The following GPHN variants were observed in gnomAD, a reference collection of about 807,000 sequenced individuals.
The protein encoded by GPHN is gephyrin.
Under a neutral mutation model 95.5 loss-of-function variants are expected in GPHN, and 17 were observed. The ratio of observed to expected loss-of-function variants is 0.18; its 90% CI spans 0.12 to 0.27. The LOEUF (loss-of-function observed/expected upper bound fraction) is 0.27. Ranked by LOEUF, GPHN falls within the 10% of genes least tolerant of loss-of-function variation. The pLI, the probability that GPHN is intolerant of heterozygous loss-of-function variation, is 1.00. For missense variants in GPHN, 660 were observed against 978.1 expected (o/e 0.67, Z 4.34); for synonymous variants, 320 against 322.5 (o/e 0.99, Z 0.08).
At chr14:67,327,683 C>T in the GPHN span, among the ~76,000 whole-genome samples, 1 of 152,018 alleles carries the variant, frequency 6.6e-6, no homozygotes, top group Non-Finnish European at 1.5e-5. Flanking sequence ...TGTTCCCCAC[C>T]CTGTGTCCTG....
chr14:66,528,012 G>A (rs1475799111), intron 1 of GPHN, among the ~76,000 whole-genome samples: 1 of 152,126 alleles, frequency 6.6e-6, no homozygotes, highest in Non-Finnish European at 1.5e-5. Flanking sequence ...TTCAAGTCCT[G>A]AATAACCTTG....
chr14:67,400,323 T>TTGCA, the GPHN span, among the ~76,000 whole-genome samples: 1 of 152,230 alleles, frequency 6.6e-6, no homozygotes, highest in African/African-American at 2.4e-5. Flanking sequence ...TCCAGTGGAA[T>TTGCA]TGCACATTTT....
the GPHN span, among the ~76,000 whole-genome samples, chr14:67,260,163 C>T: frequency 6.6e-6 from 1 of 152,212 alleles, no homozygotes; most frequent in Non-Finnish European, 1.5e-5. Context: ...AGCGCCAGCT[C>T]TCCATCTTCC....
chr14:67,666,179 G>A, the GPHN span, among the ~76,000 whole-genome samples: 4 of 152,278 alleles, frequency 2.6e-5, no homozygotes, highest in East Asian at 7.7e-4. Context: ...TCCCTTCCTA[G>A]CTCCTTCCTT....
the GPHN span, among the ~76,000 whole-genome samples, chr14:67,617,710 GT>G: frequency 6.6e-6 from 1 of 152,062 alleles, no homozygotes; most frequent in Non-Finnish European, 1.5e-5. Flanking sequence ...GAAGCAAGAG[GT>G]TTTTTGTTGT....
intron 4 of GPHN, among the ~76,000 whole-genome samples, chr14:66,827,582 G>A (rs886474137): frequency 7.3e-5 from 11 of 150,360 alleles, no homozygotes; most frequent in African/African-American, 2.7e-4. Context: ...ATTTATAAGA[G>A]TTAATTTTTT....
intron 1 of GPHN, among the ~76,000 whole-genome samples, chr14:66,545,700 T>A (rs1325637930): frequency 9.2e-6 from 1 of 108,534 alleles, no homozygotes. Context: ...GAGGCGCCCC[T>A]CACCTCCCGG....
chr14:67,335,429 TA>T, the GPHN span: 3 of 152,362 alleles, frequency 2.0e-5, no homozygotes, highest in African/African-American at 7.2e-5. Flanking sequence ...TATCAATAAC[TA>T]ATGCTATGTA....
the GPHN span, chr14:67,646,748 T>C: frequency 6.2e-7 from 1 of 1,601,248 alleles, no homozygotes; most frequent in East Asian, 2.2e-5. Flanking sequence ...AGTAAGTTGA[T>C]GCATTTGGCT....
At chr14:67,130,959 G>A (rs2079663575) in intron 17 of GPHN, among the ~76,000 whole-genome samples, 1 of 151,966 alleles carries the variant, frequency 6.6e-6, no homozygotes, top group Non-Finnish European at 1.5e-5. Context: ...ATTTTCTAAG[G>A]GATCTACCTT....
At chr14:67,713,016 C>T in the GPHN span, among the ~76,000 whole-genome samples, 1 of 151,754 alleles carries the variant, frequency 6.6e-6, no homozygotes, top group Non-Finnish European at 1.5e-5. Context: ...TGGATTTGAT[C>T]AAGTTGGATA....
intron 9 of GPHN, among the ~76,000 whole-genome samples, chr14:66,968,196 G>T (rs895143885): frequency 1.1e-4 from 17 of 151,554 alleles, no homozygotes; most frequent in Non-Finnish European, 7.4e-5. Context: ...AAGCAATTTC[G>T]GGGTTTCAAA....
intron 13 of GPHN, among the ~76,000 whole-genome samples, chr14:67,108,269 C>G (rs1374611917): frequency 6.6e-6 from 1 of 152,192 alleles, no homozygotes. Flanking sequence ...CATCACCAAA[C>G]TGCAGCCCAG....
At chr14:66,761,114 T>C in intron 2 of GPHN, 1 of 364,882 alleles carries the variant, frequency 2.7e-6, no homozygotes, top group South Asian at 2.3e-5. Context: ...ATAGGTCACT[T>C]AAATGAAAAG....
At chr14:67,692,897 G>T in the GPHN span, 1 of 1,329,000 alleles carries the variant, frequency 7.5e-7, no homozygotes, top group Non-Finnish European at 1.1e-6. Flanking sequence ...GGGTAAAACA[G>T]CAGTAATAGG....
At chr14:66,599,392 A>ATTTTATTTTTTTTTT (rs2062126307) in intron 1 of GPHN, among the ~76,000 whole-genome samples, 1 of 76,524 alleles carries the variant, frequency 1.3e-5, no homozygotes, top group African/African-American at 7.2e-5. Flanking sequence ...TTTTTTTTGC[A>ATTTTATTTTTTTTTT]TTTTTTTTTT....
At chr14:67,007,464 C>T (rs1248251556) in intron 9 of GPHN, among the ~76,000 whole-genome samples, 1 of 152,170 alleles carries the variant, frequency 6.6e-6, no homozygotes, top group Non-Finnish European at 1.5e-5. Context: ...TTTCCCTTTC[C>T]ACATATCAAG....
the GPHN span, among the ~76,000 whole-genome samples, chr14:67,553,700 C>T: frequency 2.0e-5 from 3 of 152,340 alleles, no homozygotes; most frequent in Middle Eastern, 6.8e-3. Flanking sequence ...GCAACCACCC[C>T]TATAAACATA....
At chr14:67,543,232 T>C in the GPHN span, among the ~76,000 whole-genome samples, 1 of 152,224 alleles carries the variant, frequency 6.6e-6, no homozygotes, top group Non-Finnish European at 1.5e-5. Context: ...AAAGCCCAAA[T>C]GGATGACCTG....
Sources: gnomAD v4.1 joint callset for allele counts (sites outside exome capture counted in the v4.1 genomes callset) on GRCh38, gnomAD v4.1.1 for gene constraint, MANE v1.5 for transcripts, NCBI Gene and HGNC (gene_info 2026-07-23, HGNC 2026-07-21) for gene names.